Variants in PTPRT observed in about 807,000 individuals in gnomAD.
PTPRT encodes receptor-type tyrosine-protein phosphatase T.
A neutral mutation model predicts 176.8 loss-of-function variants in PTPRT; 56 were observed. The observed-to-expected ratio is 0.32, with a 90% CI of 0.26 to 0.40. PTPRT has a LOEUF of 0.40. PTPRT is among the 10% of genes least tolerant of loss of function. The pLI is 1.00. For missense variants in PTPRT, 1,540 were observed against 1,908.2 expected, an observed-to-expected ratio of 0.81 and a Z score of 3.60; for synonymous variants, 783 against 739.0, an observed-to-expected ratio of 1.06 and a Z score of -0.96.
intron 13 of PTPRT, among the ~76,000 whole-genome samples, chr20:42,262,251 C>T (rs377665719): frequency 6.6e-5 from 10 of 152,218 alleles, no homozygotes; most frequent in African/African-American, 2.4e-4. Context: ...GATGGAAAAG[C>T]AGCTCTGCTC....
chr20:42,709,137 G>T (rs555274239), intron 6 of PTPRT, among the ~76,000 whole-genome samples: 1 of 152,316 alleles, frequency 6.6e-6, no homozygotes, highest in Non-Finnish European at 1.5e-5. Context: ...AAGGTCCTTC[G>T]GGACAGAAAG....
chr20:43,018,248 G>T (rs1230265395), intron 1 of PTPRT, among the ~76,000 whole-genome samples: 1 of 152,104 alleles, frequency 6.6e-6, no homozygotes, highest in Non-Finnish European at 1.5e-5. Context: ...AAGAAATAAA[G>T]GCCAAGCAAC....
intron 8 of PTPRT, among the ~76,000 whole-genome samples, chr20:42,461,986 G>A (rs2071028371): frequency 6.7e-6 from 1 of 149,782 alleles, no homozygotes; most frequent in Non-Finnish European, 1.5e-5. Flanking sequence ...ACAATTGCTG[G>A]AGCAATGACA....
At chr20:42,108,360 C>CTTAACCTCT (rs1173181970) in intron 23 of PTPRT, among the ~76,000 whole-genome samples, 2 of 152,130 alleles carry the variant, frequency 1.3e-5, no homozygotes, top group African/African-American at 4.8e-5. Flanking sequence ...GGGCAAATGA[C>CTTAACCTCT]TTAACCTCTC....
At chr20:42,488,150 C>G (rs1303087948) in intron 7 of PTPRT, among the ~76,000 whole-genome samples, 1 of 152,168 alleles carries the variant, frequency 6.6e-6, no homozygotes, top group Non-Finnish European at 1.5e-5. Context: ...CTGCTCCCCA[C>G]TGACAGACAC....
rs147569511 is a variant in PTPRT at position 42,552,613 on chromosome 20, G to A, written c.1154-80051C>T. Among the ~76,000 whole-genome samples the A allele has an allele frequency of 1.0e-3, 156 of 152,108 alleles. 1 individual carries two copies. Among genetic ancestry groups the A allele is most frequent in the African/African-American group, 3.7e-3 (153 of 41,522 alleles). ...AATAAATACATTTAATCACATAAAG[G>A]ATCATATTTTCTCATGATCCTAGGC... On this transcript the variant is annotated intron_variant, in intron 7 of 30. Transcript: ENST00000373187.
In PTPRT at chr20:42,452,299, A is replaced by AAGG. The variant is rs569046978; in HGVS notation, c.1451-3971_1451-3970insCCT. On this transcript the variant is annotated intron_variant, in intron 8 of 30. Coordinates refer to ENST00000373187, the MANE Select transcript of PTPRT (RefSeq NM_007050.6). ...AAAAAAAATTCAGAATAGAGGTAAGAAGAAGAGTGAGAAAGAAAGAGGAGA... is the reference window on the plus strand; with the variant it reads ...AAAAAAAATTCAGAATAGAGGTAAGAAGGAGAAGAGTGAGAAAGAAAGAGGAGA... Among the ~76,000 whole-genome samples, 349 of 151,884 alleles carry AAGG rather than the reference A, an allele frequency of 2.3e-3. 2 individuals are homozygous for AAGG. The highest frequency in any genetic ancestry group is 7.6e-3 in the African/African-American group (315 of 41,420).
At chr20:42,911,781 T>A (rs1480418589) in intron 1 of PTPRT, among the ~76,000 whole-genome samples, 1 of 152,140 alleles carries the variant, frequency 6.6e-6, no homozygotes, top group African/African-American at 2.4e-5. Context: ...GAGACTTTTT[T>A]TCCAACAACA....
intron 15 of PTPRT, among the ~76,000 whole-genome samples, chr20:42,216,438 C>T (rs943208932): frequency 3.3e-5 from 5 of 152,168 alleles, no homozygotes; most frequent in African/African-American, 1.2e-4. Flanking sequence ...CCTTCAAATC[C>T]CATTCAAATC....
At chr20:42,871,287 T>C (rs922660130) in intron 2 of PTPRT, among the ~76,000 whole-genome samples, 1 of 147,042 alleles carries the variant, frequency 6.8e-6, no homozygotes, top group Non-Finnish European at 1.5e-5. Context: ...TTTATCTTCT[T>C]TGGACAAATG....
intron 8 of PTPRT, among the ~76,000 whole-genome samples, chr20:42,456,652 A>G (rs1167544311): frequency 6.6e-6 from 1 of 152,138 alleles, no homozygotes; most frequent in African/African-American, 2.4e-5. Flanking sequence ...GTAGCAAATT[A>G]CACAAACAGA....
At chr20:42,703,520 T>C (rs1410820040) in intron 6 of PTPRT, among the ~76,000 whole-genome samples, 1 of 152,188 alleles carries the variant, frequency 6.6e-6, no homozygotes, top group African/African-American at 2.4e-5. Context: ...CAGAGCTATG[T>C]GCAGTGGGCC....
intron 2 of PTPRT, among the ~76,000 whole-genome samples, chr20:42,855,776 A>C (rs2078553197): frequency 6.6e-6 from 1 of 152,114 alleles, no homozygotes; most frequent in South Asian, 2.1e-4. Flanking sequence ...CAAGGAAAAA[A>C]AAAATGTGTA....
chr20:42,500,855 T>C (rs1325724168), intron 7 of PTPRT, among the ~76,000 whole-genome samples: 1 of 152,212 alleles, frequency 6.6e-6, no homozygotes, highest in Non-Finnish European at 1.5e-5. Flanking sequence ...CTATTTTGTT[T>C]GATTAATGTG....
chr20:42,892,712 T>C (rs2079215926), intron 1 of PTPRT, among the ~76,000 whole-genome samples: 2 of 152,192 alleles, frequency 1.3e-5, no homozygotes, highest in Admixed American at 1.3e-4. Flanking sequence ...TTCTCATGAT[T>C]CTTGGGGGAG....
chr20:43,148,662 A>C (rs1173489491), intron 1 of PTPRT, among the ~76,000 whole-genome samples: 1 of 152,126 alleles, frequency 6.6e-6, no homozygotes, highest in Non-Finnish European at 1.5e-5. Context: ...CCCCAAAACC[A>C]TCCCAGCTAT....
At chr20:42,689,777 G>A (rs2075762764) in intron 6 of PTPRT, among the ~76,000 whole-genome samples, 1 of 152,136 alleles carries the variant, frequency 6.6e-6, no homozygotes, top group East Asian at 1.9e-4. Flanking sequence ...TTCTGGCTGT[G>A]AGGGTGGAGA....
At chr20:42,781,795 C>T (rs2077219176) in intron 3 of PTPRT, among the ~76,000 whole-genome samples, 1 of 152,188 alleles carries the variant, frequency 6.6e-6, no homozygotes, top group Non-Finnish European at 1.5e-5. Context: ...CTTCTAATTG[C>T]TTAATCAAGT....
intron 11 of PTPRT, among the ~76,000 whole-genome samples, chr20:42,324,251 G>C (rs1308062675): frequency 6.6e-6 from 1 of 152,196 alleles, no homozygotes; most frequent in African/African-American, 2.4e-5. Flanking sequence ...TGCTAAATGA[G>C]AGAAATAAGA....
Sources: gnomAD v4.1 joint callset for allele counts (sites outside exome capture counted in the v4.1 genomes callset) on GRCh38, gnomAD v4.1.1 for gene constraint, MANE v1.5 for transcripts, NCBI Gene and HGNC (gene_info 2026-07-23, HGNC 2026-07-21) for gene names.